The following GPR39 variants were observed in gnomAD, a reference collection of about 807,000 sequenced individuals.
GPR39 encodes G protein-coupled receptor 39.
Under a neutral mutation model 18.4 loss-of-function variants are expected in GPR39, and 23 were observed. The observed-to-expected ratio is 1.25, with a 90% CI of 0.90 to 1.77. The LOEUF (loss-of-function observed/expected upper bound fraction) is 1.77, where lower values mean the gene tolerates loss of function less well. GPR39 is among the 40% of genes most tolerant of loss of function. The pLI, the probability that GPR39 is intolerant of heterozygous loss-of-function variation, is 0.00. For synonymous variants in GPR39, 280 were observed against 257.9 expected (o/e 1.09, Z -0.82); for missense variants, 647 against 602.4 (o/e 1.07, Z -0.78).
At chr2:132,610,546 G>A (rs1215293085) in intron 1 of GPR39, among the ~76,000 whole-genome samples, 3 of 152,048 alleles carry the variant, frequency 2.0e-5, no homozygotes, top group East Asian at 3.9e-4. Context: ...GGAAGCCGAG[G>A]TGGGTGGATC....
intron 1 of GPR39, among the ~76,000 whole-genome samples, chr2:132,566,674 G>T (rs1680354469): frequency 6.6e-6 from 1 of 152,202 alleles, no homozygotes; most frequent in South Asian, 2.1e-4. Context: ...GTGTGGGCTG[G>T]TGAAGGAGTG....
chr2:132,640,064 A>G (rs1199442933), intron 1 of GPR39, among the ~76,000 whole-genome samples: 3 of 152,176 alleles, frequency 2.0e-5, no homozygotes, highest in African/African-American at 7.2e-5. Context: ...CAAGGGAGTT[A>G]CAAGGCTGGT....
intron 1 of GPR39, among the ~76,000 whole-genome samples, chr2:132,428,760 T>C (rs1680173555): frequency 6.6e-6 from 1 of 152,242 alleles, no homozygotes; most frequent in African/African-American, 2.4e-5. Flanking sequence ...AGGACTAAAC[T>C]CACTAGTTGT....
chr2:132,545,578 C>T (rs1430880228), intron 1 of GPR39, among the ~76,000 whole-genome samples: 1 of 152,036 alleles, frequency 6.6e-6, no homozygotes, highest in Non-Finnish European at 1.5e-5. Flanking sequence ...TGTTCCAGAT[C>T]CAGATGCTGA....
intron 1 of GPR39, among the ~76,000 whole-genome samples, chr2:132,419,676 T>C (rs1679972496): frequency 6.6e-6 from 1 of 152,232 alleles, no homozygotes; most frequent in East Asian, 1.9e-4. Context: ...TCCATAAATA[T>C]TCCCTTAGGC....
intron 1 of GPR39, among the ~76,000 whole-genome samples, chr2:132,524,914 A>C (rs956159791): frequency 1.3e-5 from 2 of 152,052 alleles, no homozygotes; most frequent in African/African-American, 4.8e-5. Context: ...CGCTTCAGTC[A>C]TTTTCCTCTG....
intron 1 of GPR39, among the ~76,000 whole-genome samples, chr2:132,570,545 T>C (rs929907255): frequency 2.0e-5 from 3 of 152,322 alleles, no homozygotes; most frequent in Non-Finnish European, 4.4e-5. Context: ...TCAGAACTTA[T>C]TCTTTTTCAT....
intron 1 of GPR39, among the ~76,000 whole-genome samples, chr2:132,424,370 G>A (rs1001959484): frequency 6.6e-6 from 1 of 152,100 alleles, no homozygotes; most frequent in Non-Finnish European, 1.5e-5. Context: ...ACCTTAAATT[G>A]CATCCACTTG....
At chr2:132,530,648 T>G (rs1679600378) in intron 1 of GPR39, among the ~76,000 whole-genome samples, 1 of 152,180 alleles carries the variant, frequency 6.6e-6, no homozygotes, top group African/African-American at 2.4e-5. Context: ...GACTAACATC[T>G]GATCTCTTGG....
intron 1 of GPR39, among the ~76,000 whole-genome samples, chr2:132,429,252 G>A (rs1680182401): frequency 6.6e-6 from 1 of 152,206 alleles, no homozygotes; most frequent in African/African-American, 2.4e-5. Context: ...CATGAGCAGA[G>A]GGTGAGTCTC....
rs142591718 is a variant in GPR39, at chr2:132,571,078, T to A, written c.857-74023T>A. ...GAATGAGTACATTGTGCCCAAATAG[T>A]ATTAACTAGGTACTTTAAATTCCCA... On this transcript the variant is annotated intron_variant, in intron 1 of 1. Transcript: ENST00000329321. 1.1e-4 allele frequency among the ~76,000 whole-genome samples: 17 copies of A among 152,268 alleles called. No homozygotes were observed. In the East Asian group the frequency reaches 1.5e-3, roughly 14 times the overall value.
intron 1 of GPR39, among the ~76,000 whole-genome samples, chr2:132,498,284 C>T (rs1055608484): frequency 6.6e-6 from 1 of 152,104 alleles, no homozygotes; most frequent in Non-Finnish European, 1.5e-5. Flanking sequence ...ATTCTTATGC[C>T]TTTGCATCCT....
At chr2:132,575,367 A>G (rs1680511943) in intron 1 of GPR39, among the ~76,000 whole-genome samples, 1 of 152,208 alleles carries the variant, frequency 6.6e-6, no homozygotes, top group Non-Finnish European at 1.5e-5. Context: ...TTCATCTGCA[A>G]TTATAAGAAA....
chr2:132,572,229 C>T (rs1680453414), intron 1 of GPR39, among the ~76,000 whole-genome samples: 1 of 152,144 alleles, frequency 6.6e-6, no homozygotes, highest in African/African-American at 2.4e-5. Flanking sequence ...CGTGTTGGCC[C>T]TCTGCCCCTT....
At chr2:132,532,071 T>C (rs1679647993) in intron 1 of GPR39, among the ~76,000 whole-genome samples, 1 of 151,970 alleles carries the variant, frequency 6.6e-6, no homozygotes, top group Non-Finnish European at 1.5e-5. Flanking sequence ...GCTGGTTTTT[T>C]GAAAGATCAA....
chr2:132,434,476 C>T (rs1680276825), intron 1 of GPR39, among the ~76,000 whole-genome samples: 1 of 152,166 alleles, frequency 6.6e-6, no homozygotes, highest in Non-Finnish European at 1.5e-5. Flanking sequence ...TAATATTGGA[C>T]AGTGCCCTTG....
intron 1 of GPR39, among the ~76,000 whole-genome samples, chr2:132,639,998 C>T (rs562058752): frequency 1.3e-5 from 2 of 152,280 alleles, no homozygotes; most frequent in African/African-American, 2.4e-5. Flanking sequence ...TATGACCACC[C>T]TGGCCCCAGG....
intron 1 of GPR39, among the ~76,000 whole-genome samples, chr2:132,522,182 T>A (rs1446230268): frequency 6.6e-6 from 1 of 152,192 alleles, no homozygotes; most frequent in Non-Finnish European, 1.5e-5. Context: ...ATATAAATGA[T>A]CAGCACACAC....
chr2:132,565,486 G>A (rs1469804169), intron 1 of GPR39, among the ~76,000 whole-genome samples: 1 of 149,626 alleles, frequency 6.7e-6, no homozygotes, highest in African/African-American at 2.5e-5. Context: ...TGCCATGCTG[G>A]TGCGCTGCAT....
Sources: allele counts gnomAD v4.1 joint callset (sites outside exome capture counted in the v4.1 genomes callset), GRCh38; gene constraint gnomAD v4.1.1; transcripts MANE v1.5; gene names NCBI Gene and HGNC (gene_info 2026-07-23, HGNC 2026-07-21).